Variants in MED12L observed in about 807,000 individuals in gnomAD.
MED12L encodes the protein mediator of RNA polymerase II transcription subunit 12-like protein.
In MED12L, 60 loss-of-function variants were observed where a neutral mutation model predicts 281.3. The observed-to-expected ratio is 0.21, with a 90% CI of 0.17 to 0.26. The LOEUF (loss-of-function observed/expected upper bound fraction) is 0.26. Ranked by LOEUF, MED12L falls within the 10% of genes least tolerant of loss-of-function variation. The pLI, the probability that MED12L is intolerant of heterozygous loss-of-function variation, is 1.00. For missense variants in MED12L, 2,146 were observed against 2,680.9 expected (o/e 0.80, Z 4.41); for synonymous variants, 974 against 987.2 (o/e 0.99, Z 0.25).
intron 16 of MED12L, among the ~76,000 whole-genome samples, chr3:151,203,617 T>TA (rs1559873898): frequency 6.6e-6 from 1 of 151,972 alleles, no homozygotes; most frequent in East Asian, 1.9e-4. Flanking sequence ...CACCTATTAT[T>TA]AAAAAAAGAA....
At chr3:151,407,999 C>G (rs898800407) in intron 39 of MED12L, among the ~76,000 whole-genome samples, 2 of 152,120 alleles carry the variant, frequency 1.3e-5, no homozygotes, top group Admixed American at 1.3e-4. Context: ...GCTATATGTC[C>G]TTAAATAATA....
intron 5 of MED12L, among the ~76,000 whole-genome samples, chr3:151,133,296 A>G (rs1235311681): frequency 1.3e-5 from 2 of 152,234 alleles, no homozygotes; most frequent in East Asian, 1.9e-4. Flanking sequence ...GCTCACAGCA[A>G]CAAGGAGCAA....
At chr3:151,108,659 G>A (rs1191996955) in intron 2 of MED12L, among the ~76,000 whole-genome samples, 1 of 152,114 alleles carries the variant, frequency 6.6e-6, no homozygotes, top group Non-Finnish European at 1.5e-5. Context: ...CATCCCTGGT[G>A]GACATTTCTG....
chr3:151,274,711 CTTATAAG>C (rs1324989015), intron 16 of MED12L, among the ~76,000 whole-genome samples: 2 of 152,142 alleles, frequency 1.3e-5, no homozygotes, highest in African/African-American at 4.8e-5. Context: ...AAAATGTAAT[CTTATAAG>C]TTATAATATG....
At chr3:151,299,356 C>CTTTCTTTTCTTTTTTCT (rs1553772491) in intron 16 of MED12L, among the ~76,000 whole-genome samples, 1 of 94,352 alleles carries the variant, frequency 1.1e-5, no homozygotes, top group Non-Finnish European at 2.1e-5. Flanking sequence ...TTCCTTCCTT[C>CTTTCTTTTCTTTTTTCT]TTTCTTTTCT....
At chr3:151,350,329 C>T (rs1753064960) in intron 17 of MED12L, 123 bp downstream of exon 17, 1 of 834,032 alleles carries the variant, frequency 1.2e-6, no homozygotes. Context: ...ATGACTCTCA[C>T]ATTGAAATGT....
At chr3:151,184,895 C>T (rs1052989757) in intron 11 of MED12L, among the ~76,000 whole-genome samples, 1 of 152,130 alleles carries the variant, frequency 6.6e-6, no homozygotes, top group South Asian at 2.1e-4. Flanking sequence ...CCTGGCTTGT[C>T]AGAATTATTT....
intron 16 of MED12L, among the ~76,000 whole-genome samples, chr3:151,321,480 T>C (rs1269806573): frequency 6.6e-6 from 1 of 152,156 alleles, no homozygotes; most frequent in African/African-American, 2.4e-5. Context: ...TGTGTATATA[T>C]GATATAAAGT....
Position 151,130,252 on chromosome 3 carries a change from G to A in MED12L, c.556+2268G>A, listed in dbSNP as rs562427577. Among the ~76,000 whole-genome samples the A allele has an allele frequency of 7.2e-5, 11 of 152,034 alleles. No individual in the cohort carries two copies. In the South Asian group the frequency reaches 2.1e-3, roughly 29 times the overall value. ...TTCCTGACATTTCTTCTTAGTAAAT[G>A]TTATGTGTAGTTATTGGATGGGTAA... On this transcript the variant is annotated intron_variant, in intron 5 of 44. Coordinates refer to ENST00000687756, the MANE Select transcript of MED12L (RefSeq NM_001393769.1).
chr3:151,318,440 T>C (rs1403072696), intron 16 of MED12L, among the ~76,000 whole-genome samples: 3 of 152,094 alleles, frequency 2.0e-5, no homozygotes, highest in Non-Finnish European at 4.4e-5. Flanking sequence ...GGGAGATTTG[T>C]CCTTGTGTTG....
At chr3:151,156,529 T>A (rs1278209254) in intron 6 of MED12L, among the ~76,000 whole-genome samples, 199 bp downstream of exon 6, 2 of 152,238 alleles carry the variant, frequency 1.3e-5, no homozygotes, top group Non-Finnish European at 2.9e-5. Flanking sequence ...TACATATTGA[T>A]CTCCAGCTTT....
At position 151,383,867 on chromosome 3, in the gene MED12L, C is replaced by T. The variant is rs932329605; in HGVS notation, c.4769C>T (p.Thr1590Ile). The change falls in exon 34 of 45, where the codon ACT becomes ATT. Residue 1590 changes from threonine to isoleucine, a missense_variant. By Grantham distance (89) the Thr-to-Ile change is moderately conservative (BLOSUM62 -1). This residue lies in a region of MED12L where 212 missense variants were observed against 340.8 expected (regional missense o/e 0.62). Coordinates refer to ENST00000687756, the MANE Select transcript of MED12L (RefSeq NM_001393769.1). Reference protein sequence around the residue: ...LLLLQIITSGTVDMHTNNELF... With the variant: ...LLLLQIITSGIVDMHTNNELF... ...CTCCTTCAGATCATTACTTCAGGAACTGTTGACATGCACACTAACAAGTAT... is the reference window on the plus strand; with the variant it reads ...CTCCTTCAGATCATTACTTCAGGAATTGTTGACATGCACACTAACAAGTAT... 1.9e-6 allele frequency: 3 copies of T among 1,613,342 alleles called. No individual in the cohort carries two copies. Among genetic ancestry groups the T allele is most frequent in the Non-Finnish European group, 1.7e-6 (2 of 1,179,472 alleles).
chr3:151,427,276 A>C (rs1718980810), intron 43 of MED12L, among the ~76,000 whole-genome samples: 2 of 152,192 alleles, frequency 1.3e-5, no homozygotes, highest in Non-Finnish European at 2.9e-5. Context: ...TTATTTTGAA[A>C]ATGGTTTTGA....
At chr3:151,085,966 G>A (rs942332587) in intron 1 of MED12L, 30 bp downstream of exon 1, 1 of 152,280 alleles carries the variant, frequency 6.6e-6, no homozygotes, top group African/African-American at 2.4e-5. Flanking sequence ...GGGCGGAAGG[G>A]AAGAGGAGCT....
At position 151,192,590 on chromosome 3, in the gene MED12L, C is replaced by G. The variant is rs776284793; in HGVS notation, c.2009C>G (p.Thr670Ser). The G allele has an allele frequency of 1.3e-6, 2 of 1,536,100 alleles. No homozygotes were observed. Among genetic ancestry groups the G allele is most frequent in the East Asian group, 2.4e-5 (1 of 40,926 alleles). Residue 670 changes from threonine to serine, a missense_variant, in exon 15 of 45, where the codon ACC (threonine) becomes AGC (serine). This residue lies in a region of MED12L where 722 missense variants were observed against 861.2 expected (regional missense o/e 0.84). Coordinates refer to ENST00000687756, the MANE Select transcript of MED12L (RefSeq NM_001393769.1). ...GCGCATATGGGCATTGACTCAGGAA[C>G]CACTAACATTTTTGATGAAGTAGAC... is the stretch of plus-strand genomic sequence containing the variant. ...IMAHMGIDSG[T>S]TNIFDEVDKS...
intron 16 of MED12L, among the ~76,000 whole-genome samples, chr3:151,237,350 C>CTTTTTTT (rs57239604): frequency 5.3e-5 from 5 of 94,602 alleles, no homozygotes; most frequent in East Asian, 3.4e-4. Context: ...TTTTTTTTTT[C>CTTTTTTT]TTTTTTTTTT....
rs1747181448 is a variant in MED12L at position 151,309,387 on chromosome 3, T to C, written c.2251-40672T>C. On this transcript the variant is annotated intron_variant, in intron 16 of 44. Transcript: ENST00000687756. ...TTTCCTGCTATTCACATTTCTTTTC[T>C]TGATGTCCTCTTCTGTCACAGTCTT... is the stretch of plus-strand genomic sequence containing the variant. Among the ~76,000 whole-genome samples the C allele has an allele frequency of 2.6e-5, 4 of 152,316 alleles. No homozygotes were observed. The South Asian group carries it at 8.3e-4, about 32-fold the overall frequency.
chr3:151,289,047 G>A (rs1471433990), intron 16 of MED12L, among the ~76,000 whole-genome samples: 1 of 151,852 alleles, frequency 6.6e-6, no homozygotes, highest in African/African-American at 2.4e-5. Flanking sequence ...TTTGAAAGAG[G>A]GTATACCAAC....
chr3:151,090,735 T>C (rs938825173), intron 2 of MED12L, among the ~76,000 whole-genome samples: 2 of 152,140 alleles, frequency 1.3e-5, no homozygotes, highest in African/African-American at 4.8e-5. Flanking sequence ...AGGTTTACTC[T>C]GGGACAAAAG....
Sources: gnomAD v4.1 joint callset for allele counts (sites outside exome capture counted in the v4.1 genomes callset) on GRCh38, gnomAD v4.1.1 for gene constraint, gnomAD v4.1.1 regional missense constraint, MANE v1.5 for transcripts, NCBI Gene and HGNC (gene_info 2026-07-23, HGNC 2026-07-21) for gene names.